Variants in SPECC1 observed in about 807,000 individuals in gnomAD.
The protein encoded by SPECC1 is sperm antigen with calponin homology and coiled-coil domains 1.
A neutral mutation model predicts 104.1 loss-of-function variants in SPECC1; 62 were observed. That is an observed-to-expected ratio of 0.60 (90% confidence interval 0.49 to 0.74). SPECC1 has a LOEUF of 0.74. SPECC1 is among the 30% of genes least tolerant of loss of function. The pLI, the probability that SPECC1 is intolerant of heterozygous loss-of-function variation, is 0.00. For synonymous variants in SPECC1, 513 were observed against 501.6 expected, an observed-to-expected ratio of 1.02 and a Z score of -0.30; for missense variants, 1,306 against 1,310.5, an observed-to-expected ratio of 1.00 and a Z score of 0.05.
intron 3 of SPECC1, among the ~76,000 whole-genome samples, chr17:20,203,161 G>C (rs2036545135): frequency 6.6e-6 from 1 of 151,852 alleles, no homozygotes; most frequent in Non-Finnish European, 1.5e-5. Context: ...CTACACTGTA[G>C]AGGCCTACAG....
chr17:20,051,596 T>G (rs1200228152), intron 1 of SPECC1, among the ~76,000 whole-genome samples: 1 of 152,246 alleles, frequency 6.6e-6, no homozygotes, highest in Non-Finnish European at 1.5e-5. Context: ...CCTTTGAATT[T>G]TTTTCCTTTA....
At chr17:20,035,712 A>G (rs1048463758) in intron 1 of SPECC1, among the ~76,000 whole-genome samples, 2 of 152,108 alleles carry the variant, frequency 1.3e-5, no homozygotes, top group Non-Finnish European at 2.9e-5. Context: ...GCCTCAAACT[A>G]CTGACCTAAA....
At chr17:20,254,518 C>T (rs920339008) in intron 10 of SPECC1, among the ~76,000 whole-genome samples, 4 of 152,190 alleles carry the variant, frequency 2.6e-5, no homozygotes, top group African/African-American at 9.7e-5. Flanking sequence ...GTTTACTGTG[C>T]ACATCTCACC....
intron 12 of SPECC1, among the ~76,000 whole-genome samples, chr17:20,278,627 A>C (rs3850782): frequency 0.71 from 107,346 of 151,648 alleles, 39,782 homozygotes; most frequent in East Asian, 0.99. Flanking sequence ...TCACTTGAGT[A>C]TAGAAGTTTG....
At chr17:20,304,346 A>G (rs1567621722) in intron 13 of SPECC1, among the ~76,000 whole-genome samples, 1 of 148,568 alleles carries the variant, frequency 6.7e-6, no homozygotes, top group Non-Finnish European at 1.5e-5. Flanking sequence ...AAACATTTAT[A>G]TCTCAATTAT....
intron 1 of SPECC1, among the ~76,000 whole-genome samples, chr17:20,021,783 G>A (rs975512833): frequency 1.4e-5 from 2 of 147,242 alleles, no homozygotes; most frequent in African/African-American, 4.9e-5. Flanking sequence ...TGATCCGCCC[G>A]CCTTGGCCTC....
intron 1 of SPECC1, among the ~76,000 whole-genome samples, chr17:20,034,904 C>A (rs2385960): frequency 0.11 from 16,818 of 152,150 alleles, 945 homozygotes; most frequent in Non-Finnish European, 0.12. Context: ...CGTGCGTGGC[C>A]TTTTTCTAAA....
chr17:20,262,470 T>C lies in SPECC1; in HGVS notation c.2940+2176T>C, dbSNP rs114211053. Among the ~76,000 whole-genome samples the C allele has an allele frequency of 1.6e-3, 242 of 152,344 alleles. 1 individual carries two copies. Among genetic ancestry groups the C allele is most frequent in the African/African-American group, 5.7e-3 (236 of 41,570 alleles). ...TCACATCAACACTTGGTATTGTCAG[T>C]CTTTTTACTCAAGGTCATGTGGGTA... is the stretch of plus-strand genomic sequence containing the variant. On this transcript the variant is annotated intron_variant, in intron 12 of 14. Coordinates refer to ENST00000395527, the MANE Select transcript of SPECC1 (RefSeq NM_001243439.2).
At chr17:20,147,112 T>G (rs545141010) in intron 3 of SPECC1, among the ~76,000 whole-genome samples, 6 of 151,180 alleles carry the variant, frequency 4.0e-5, no homozygotes, top group Non-Finnish European at 5.9e-5. Flanking sequence ...AGACGGAGTT[T>G]CGCTCTTGTT....
intron 12 of SPECC1, among the ~76,000 whole-genome samples, chr17:20,267,278 C>G (rs2040247630): frequency 6.6e-6 from 1 of 152,182 alleles, no homozygotes; most frequent in South Asian, 2.1e-4. Context: ...TTTTCCAAGC[C>G]AAGGGCAGGC....
chr17:20,269,566 G>A (rs1465905082), intron 12 of SPECC1, among the ~76,000 whole-genome samples: 2 of 152,208 alleles, frequency 1.3e-5, no homozygotes, highest in Admixed American at 6.5e-5. Context: ...GGGATTACAG[G>A]CATGTGCCAC....
chr17:20,299,145 G>A (rs1036780468), intron 13 of SPECC1, among the ~76,000 whole-genome samples: 1 of 151,926 alleles, frequency 6.6e-6, no homozygotes, highest in Non-Finnish European at 1.5e-5. Context: ...TTTGCTGGTG[G>A]AATTCCCTCT....
chr17:20,268,559 C>T (rs3850779), intron 12 of SPECC1, among the ~76,000 whole-genome samples: 64,498 of 152,068 alleles, frequency 0.42, 14,307 homozygotes, highest in East Asian at 0.8. Flanking sequence ...TTACTGCCAT[C>T]AGAGTGGTCC....
At chr17:20,100,290 G>C (rs1020884197) in intron 2 of SPECC1, among the ~76,000 whole-genome samples, 2 of 152,026 alleles carry the variant, frequency 1.3e-5, no homozygotes, top group Non-Finnish European at 2.9e-5. Flanking sequence ...CTGTTCCTCT[G>C]ATTTGACCTT....
chr17:20,206,714 A>C (rs1195640151), intron 4 of SPECC1, among the ~76,000 whole-genome samples: 1 of 152,174 alleles, frequency 6.6e-6, no homozygotes, highest in Non-Finnish European at 1.5e-5. Context: ...AAAAATTCCT[A>C]GACGATGACT....
chr17:20,178,985 A>G (rs1264971684), intron 3 of SPECC1, among the ~76,000 whole-genome samples: 2 of 152,226 alleles, frequency 1.3e-5, no homozygotes, highest in African/African-American at 4.8e-5. Context: ...CCACTTCACA[A>G]AGAAGCTAGA....
chr17:20,294,726 G>C (rs2041289593), intron 12 of SPECC1, among the ~76,000 whole-genome samples: 2 of 151,514 alleles, frequency 1.3e-5, no homozygotes, highest in Admixed American at 6.6e-5. Flanking sequence ...GGTGGTGGTA[G>C]TGATTCCTCC....
chr17:20,085,136 G>GAC (rs1260918409), intron 1 of SPECC1, among the ~76,000 whole-genome samples: 1 of 152,224 alleles, frequency 6.6e-6, no homozygotes, highest in East Asian at 1.9e-4. Context: ...TGCAGCTGCT[G>GAC]GTCATTTGCT....
chr17:20,175,798 G>C (rs147435738), intron 3 of SPECC1, among the ~76,000 whole-genome samples: 92 of 152,290 alleles, frequency 6.0e-4, no homozygotes, highest in Middle Eastern at 6.8e-3. Flanking sequence ...GGCCTCTGCC[G>C]GGTGGGACAG....
Sources: allele counts gnomAD v4.1 joint callset (sites outside exome capture counted in the v4.1 genomes callset), GRCh38; gene constraint gnomAD v4.1.1; transcripts MANE v1.5; gene names NCBI Gene and HGNC (gene_info 2026-07-23, HGNC 2026-07-21).